Variants in PFKFB2 observed in about 807,000 individuals in gnomAD.
The protein encoded by PFKFB2 is 6-phosphofructo-2-kinase/fructose-2,6-bisphosphatase 2.
Under a neutral mutation model 68.0 loss-of-function variants are expected in PFKFB2, and 53 were observed. That is an observed-to-expected ratio of 0.78 (90% CI 0.63 to 0.98). PFKFB2 has a LOEUF of 0.98. Ranked by LOEUF, PFKFB2 falls within the 50% of genes least tolerant of loss-of-function variation. The probability of loss-of-function intolerance (pLI) is 0.00; values close to 1 mark genes in which losing one functional copy is unlikely to be tolerated. For missense variants in PFKFB2, 451 were observed against 642.0 expected (o/e 0.70, Z 3.22); for synonymous variants, 222 against 227.6 (o/e 0.98, Z 0.22).
chr1:207,063,183 C>G lies in PFKFB2; in HGVS notation c.349C>G (p.Leu117Val), dbSNP rs1243644149. 10 of 1,614,022 alleles carry G rather than the reference C, an allele frequency of 6.2e-6. No homozygotes were observed. The highest frequency in any genetic ancestry group is 5.0e-5 in the Admixed American group (3 of 60,030). Residue 117 changes from leucine (L) to valine (V), a missense_variant, in exon 5 of 15, where the codon CTC (leucine) becomes GTC (valine). Leu to Val is a conservative substitution (Grantham distance 32, BLOSUM62 1). Coordinates refer to ENST00000367080, the MANE Select transcript of PFKFB2 (RefSeq NM_006212.2). The surrounding 1 kb of genome is among the most constrained non-coding windows in gnomAD (Gnocchi z 4.1). ...GGCGCTGGAAGATGTTAAGGCGTAT[C>G]TCACTGAGGAGAATGGTCAGATTGC... is the stretch of plus-strand genomic sequence containing the variant. ...LVALEDVKAY[L>V]TEENGQIAVF...
chr1:207,039,963 A>C (rs1682446341), intron 1 of PFKFB2, among the ~76,000 whole-genome samples: 1 of 152,168 alleles, frequency 6.6e-6, no homozygotes, highest in Non-Finnish European at 1.5e-5. Context: ...TAAGAGAACA[A>C]GGAGAACAGG....
Position 207,075,489 on chromosome 1 carries a change from G to A in PFKFB2, c.*3118G>A. 1.0e-6 allele frequency: 1 copy of A among 985,396 alleles called. No individual in the cohort carries two copies. Among genetic ancestry groups the A allele is most frequent in the African/African-American group, 1.7e-5 (1 of 57,374 alleles). The allele number at this position is 985,396 out of a possible 1,614,324, so 61.0% of individuals were successfully genotyped here. ...CATCTTTTCTCTCCTGGTCTTACTT[G>A]AATGCATGTTGGTAATCTGTATACA... On this transcript the variant is annotated 3_prime_UTR_variant, in exon 15 of 15. Transcript: ENST00000367080.
chr1:207,050,935 G>T (rs1391195850), upstream of PFKFB2: 1 of 1,584,072 alleles, frequency 6.3e-7, no homozygotes, highest in Non-Finnish European at 8.6e-7. Flanking sequence ...CACCCGCGGG[G>T]CCAGCTTTGG....
chr1:207,037,302 C>T (rs776349861), intron 1 of PFKFB2, among the ~76,000 whole-genome samples: 2 of 152,208 alleles, frequency 1.3e-5, no homozygotes, highest in Admixed American at 6.5e-5. Context: ...TCTAATCTCT[C>T]CTGAACCCTC....
intron 2 of PFKFB2, among the ~76,000 whole-genome samples, chr1:207,061,470 C>T (rs1330705181): frequency 6.6e-6 from 1 of 152,014 alleles, no homozygotes; most frequent in Non-Finnish European, 1.5e-5. Context: ...AACTCTATTT[C>T]AGGAGGCCTG....
upstream of PFKFB2, chr1:207,050,658 C>T: frequency 6.2e-7 from 1 of 1,609,908 alleles, no homozygotes. Flanking sequence ...CCTCCCGGGA[C>T]TTTCCCTGGC....
intron 1 of PFKFB2, among the ~76,000 whole-genome samples, chr1:207,041,129 G>A (rs1395593067): frequency 6.6e-6 from 1 of 151,492 alleles, no homozygotes; most frequent in African/African-American, 2.4e-5. Context: ...GGGTTTCACC[G>A]TGTTAGCCAG....
chr1:207,069,045 G>A (rs377452969), intron 10 of PFKFB2, among the ~76,000 whole-genome samples: 20 of 152,128 alleles, frequency 1.3e-4, no homozygotes, highest in East Asian at 7.7e-4. Flanking sequence ...GTGCCCGGCC[G>A]ACATTTCTTT....
At chr1:207,071,090 G>T (rs1055343607) in intron 12 of PFKFB2, 98 bp from the exon 13 acceptor site, 11 of 984,058 alleles carry the variant, frequency 1.1e-5, no homozygotes, top group African/African-American at 3.2e-5. Flanking sequence ...TCAAAGTAAG[G>T]GAAACTCATT....
At chr1:207,045,836 C>T (rs1050829629) in intron 2 of PFKFB2, 1 of 151,956 alleles carries the variant, frequency 6.6e-6, no homozygotes, top group Non-Finnish European at 1.5e-5. Flanking sequence ...GCTGGGACTT[C>T]ATGGAATAAT....
rs1451707521 is a variant in PFKFB2 at position 207,063,655 on chromosome 1, A to G, written c.451-118A>G. 2 of 899,446 alleles carry G rather than the reference A, an allele frequency of 2.2e-6. No homozygotes were observed. The highest frequency in any genetic ancestry group is 3.3e-5 in the African/African-American group (2 of 61,394). The allele number at this position is 899,446 out of a possible 1,614,324, so 55.7% of individuals were successfully genotyped here. On this transcript the variant is annotated intron_variant, in intron 6 of 14. Transcript: ENST00000367080. This position sits in a 1 kb window ranked among gnomAD's most constrained non-coding sequence, Gnocchi z 4.1. The stretch of plus-strand genomic sequence containing the variant: ...GAGCTATGAGGAGGACTTGAGGGCC[A>G]CTTTCATGAAGAAAATCCTGGGAGA...
upstream of PFKFB2, among the ~76,000 whole-genome samples, chr1:207,052,658 A>C (rs542148604): frequency 7.2e-5 from 11 of 152,270 alleles, no homozygotes; most frequent in African/African-American, 1.2e-4. Context: ...ATCTCAAAAA[A>C]CAAAAACCAA....
rs995315397 is a variant in PFKFB2 at position 207,062,859 on chromosome 1, G to A, written c.308+143G>A. ...TTATCTGATGGGCAAGTGACCTTGG[G>A]CTTGGGTGGTCAGAAGAACAGGGCT... On this transcript the variant is annotated intron_variant, in intron 4 of 14. Transcript: ENST00000367080. The A allele has an allele frequency of 1.7e-5, 14 of 836,088 alleles. No individual in the cohort carries two copies. The Admixed American group carries it at 2.9e-4, about 17-fold the overall frequency. 51.8% of individuals were successfully genotyped at this position (836,088 alleles called of 1,614,324 possible).
intron 10 of PFKFB2, among the ~76,000 whole-genome samples, chr1:207,069,177 A>G (rs964357238): frequency 6.6e-6 from 1 of 151,754 alleles, no homozygotes; most frequent in South Asian, 2.1e-4. Context: ...AGTTCCCCCC[A>G]GTAGTAGGAG....
At position 207,054,776 on chromosome 1, in the gene PFKFB2, A is replaced by G; in HGVS notation, c.59A>G (p.Asn20Ser). 6.2e-7 allele frequency: 1 copy of G among 1,613,470 alleles called. No homozygotes were observed. The highest frequency in any genetic ancestry group is 8.5e-7 in the Non-Finnish European group (1 of 1,179,582). The change falls in exon 2 of 15, where the codon AAT becomes AGT. Residue 20 changes from asparagine (N) to serine (S), a missense_variant. Physicochemically the swap from Asn to Ser is conservative, Grantham distance 46. Transcript: ENST00000367080. ...NNNSYETKTP[N>S]LRMSEKKCSW... is the part of the protein sequence containing the mutation. ...AACAGCTATGAAACCAAAACCCCAA[A>G]TCTTCGAATGTCAGAGAAGAAATGT...
intron 10 of PFKFB2, 41 bp downstream of exon 10, chr1:207,068,350 G>C (rs759233527): frequency 1.3e-6 from 2 of 1,489,184 alleles, no homozygotes; most frequent in South Asian, 2.8e-5. Context: ...GCCAACAAGA[G>C]TTCAGGCAGG....
At chr1:207,052,530 C>T (rs1020160288), upstream of PFKFB2, among the ~76,000 whole-genome samples, 4 of 152,046 alleles carry the variant, frequency 2.6e-5, no homozygotes, top group African/African-American at 9.7e-5. Flanking sequence ...GCGTGGTGGT[C>T]CATGCCTTTA....
chr1:207,055,000 A>T, intron 2 of PFKFB2, 198 bp downstream of exon 2: 1 of 531,040 alleles, frequency 1.9e-6, no homozygotes, highest in East Asian at 3.3e-5. Flanking sequence ...GGGCTTGACT[A>T]CTGGTGTAGT....
At chr1:207,078,629 G>A, downstream of PFKFB2, among the ~76,000 whole-genome samples, 1 of 152,068 alleles carries the variant, frequency 6.6e-6, no homozygotes, top group Admixed American at 6.5e-5. Context: ...GGCTGACATA[G>A]CCTACACGAT....
Sources: allele counts gnomAD v4.1 joint callset (sites outside exome capture counted in the v4.1 genomes callset), GRCh38; gene constraint gnomAD v4.1.1; non-coding constraint Gnocchi (gnomAD v3.1); transcripts MANE v1.5; gene names NCBI Gene and HGNC (gene_info 2026-07-23, HGNC 2026-07-21).